USP42: variants seen among roughly 807,000 people sequenced by gnomAD.
The protein encoded by USP42 is ubiquitin carboxyl-terminal hydrolase 42.
Under a neutral mutation model 113.0 loss-of-function variants are expected in USP42, and 23 were observed. The observed-to-expected ratio is 0.20, with a 90% confidence interval of 0.15 to 0.29. The LOEUF (loss-of-function observed/expected upper bound fraction) is 0.29. Ranked by LOEUF, USP42 falls within the 10% of genes least tolerant of loss-of-function variation. The pLI, the probability that USP42 is intolerant of heterozygous loss-of-function variation, is 1.00. For missense variants in USP42, 2,174 were observed against 1,779.8 expected, an observed-to-expected ratio of 1.22 and a Z score of -3.99; for synonymous variants, 933 against 699.0, an observed-to-expected ratio of 1.33 and a Z score of -5.28.
intron 1 of USP42, among the ~76,000 whole-genome samples, chr7:6,106,266 TTTCTC>T (rs1213039768): frequency 2.6e-5 from 4 of 152,222 alleles, no homozygotes; most frequent in Admixed American, 2.0e-4. Context: ...GCGTGTGTGT[TTTCTC>T]TTATAACGGA....
rs1297544851 is a variant in USP42, at chr7:6,144,215, T to G, written c.990+19T>G. The G allele has an allele frequency of 6.7e-7, 1 of 1,496,790 alleles. No homozygotes were observed. Among genetic ancestry groups the G allele is most frequent in the African/African-American group, 1.4e-5 (1 of 71,230 alleles). The allele number at this position is 1,496,790 out of a possible 1,614,324, so 92.7% of individuals were successfully genotyped here. The stretch of plus-strand genomic sequence containing the variant: ...TGCTAAGGTATGTGGATGATGTCAT[T>G]AATCATGTTTTATGTCGAGCCTTTC... On this transcript the variant is annotated intron_variant, in intron 9 of 17. Transcript: ENST00000306177.
At chr7:6,147,387 T>G (rs1252130714) in intron 11 of USP42, among the ~76,000 whole-genome samples, 1 of 152,066 alleles carries the variant, frequency 6.6e-6, no homozygotes, top group Non-Finnish European at 1.5e-5. Context: ...AAGGCCACAG[T>G]GAGCAATGGC....
At chr7:6,103,827 G>C (rs1466772510), upstream of USP42, among the ~76,000 whole-genome samples, 2 of 151,140 alleles carry the variant, frequency 1.3e-5, no homozygotes, top group Non-Finnish European at 2.9e-5. Flanking sequence ...GCCACGGAGG[G>C]GGAGCTGCTT....
chr7:6,114,767 T>C lies in USP42; in HGVS notation c.242-556T>C, dbSNP rs1344029843. On this transcript the variant is annotated intron_variant, in intron 2 of 17. Coordinates refer to ENST00000306177, the MANE Select transcript of USP42 (RefSeq NM_032172.3). Reference sequence around the variant, plus strand: ...GTGCAGTGGCACTATCTCAGCTCACTGCAAGCTCTGCCTCCCGGGTTCACG... The same window carrying C: ...GTGCAGTGGCACTATCTCAGCTCACCGCAAGCTCTGCCTCCCGGGTTCACG... 2.2e-5 allele frequency among the ~76,000 whole-genome samples: 3 copies of C among 137,904 alleles called. No homozygotes were observed. The East Asian group carries it at 7.4e-4, about 34-fold the overall frequency. 90.5% of individuals were successfully genotyped at this position (137,904 alleles called of 152,430 possible).
intron 1 of USP42, among the ~76,000 whole-genome samples, chr7:6,107,444 T>C (rs1323405942): frequency 4.7e-5 from 7 of 149,956 alleles, no homozygotes; most frequent in Non-Finnish European, 8.9e-5. Context: ...AGTTTCACTC[T>C]TACTGCCCAG....
At chr7:6,155,368 A>C (rs1301440775) in intron 15 of USP42, among the ~76,000 whole-genome samples, 173 bp downstream of exon 15, 1 of 152,220 alleles carries the variant, frequency 6.6e-6, no homozygotes, top group East Asian at 1.9e-4. Flanking sequence ...ACAGATTTGT[A>C]AAAATTTGCC....
intron 3 of USP42, among the ~76,000 whole-genome samples, chr7:6,132,517 C>G (rs1349946316): frequency 3.3e-5 from 5 of 151,446 alleles, no homozygotes; most frequent in South Asian, 2.1e-4. Flanking sequence ...ACCACCATGC[C>G]CAGGTAATTT....
chr7:6,150,307 G>A lies in USP42; in HGVS notation c.2106+5G>A. On this transcript the variant is annotated splice_donor_5th_base_variant and intron_variant, in intron 13 of 17. Coordinates refer to ENST00000306177, the MANE Select transcript of USP42 (RefSeq NM_032172.3). The stretch of plus-strand genomic sequence containing the variant: ...GCAAACGGTCTTCCTGGAAAGGTGA[G>A]TGCACGTCAGGGTCTTCAGCCTCGT... 6.2e-7 allele frequency: 1 copy of A among 1,612,678 alleles called. No individual in the cohort carries two copies. The highest frequency in any genetic ancestry group is 8.5e-7 in the Non-Finnish European group (1 of 1,179,270).
At chr7:6,114,519 A>G (rs1195883947) in intron 2 of USP42, among the ~76,000 whole-genome samples, 2 of 151,456 alleles carry the variant, frequency 1.3e-5, no homozygotes, top group Non-Finnish European at 2.9e-5. Context: ...ATACATCTAA[A>G]GAGTTTTTTC....
chr7:6,141,614 A>G (rs987930186), intron 7 of USP42, among the ~76,000 whole-genome samples: 1 of 151,216 alleles, frequency 6.6e-6, no homozygotes, highest in African/African-American at 2.4e-5. Context: ...GCTGGAGTGC[A>G]GTGGCGCAAT....
At chr7:6,108,739 A>G (rs1440199318) in intron 1 of USP42, among the ~76,000 whole-genome samples, 1 of 152,214 alleles carries the variant, frequency 6.6e-6, no homozygotes, top group Non-Finnish European at 1.5e-5. Flanking sequence ...TTGGCCTCCC[A>G]AAGTGCTGGG....
At position 6,159,326 on chromosome 7, in the gene USP42, GC is replaced by G. The variant is rs1782637492; in HGVS notation, c.3944-122del. Reference sequence around the variant, plus strand: ...TCCCTGCTCACCTCACTGGGGAGTGGCCTCAGGCGCTCACAGGGAACCGCAG... The same window carrying G: ...TCCCTGCTCACCTCACTGGGGAGTGGCTCAGGCGCTCACAGGGAACCGCAG... On this transcript the variant is annotated intron_variant, in intron 16 of 17. Transcript: ENST00000306177. This position sits in a 1 kb window ranked among gnomAD's most constrained non-coding sequence, Gnocchi z 4.1. 2 of 1,274,694 alleles carry G rather than the reference GC, an allele frequency of 1.6e-6. No individual in the cohort carries two copies. The highest frequency in any genetic ancestry group is 3.9e-5 in the Admixed American group (2 of 51,608). 79.0% of individuals were successfully genotyped at this position (1,274,694 alleles called of 1,614,324 possible).
At chr7:6,146,606 A>G (rs559484964) in intron 11 of USP42, among the ~76,000 whole-genome samples, 281 of 152,248 alleles carry the variant, frequency 1.8e-3, no homozygotes, top group African/African-American at 6.4e-3. Flanking sequence ...CCGAGGCTGC[A>G]GTAAGCCATG....
At chr7:6,117,385 C>T (rs757741359) in intron 3 of USP42, among the ~76,000 whole-genome samples, 8 of 152,158 alleles carry the variant, frequency 5.3e-5, no homozygotes, top group African/African-American at 1.7e-4. Flanking sequence ...ATCACTTGAT[C>T]GTATTGTTGA....
rs376260428 is a variant in USP42, at chr7:6,157,461, G to A, written c.3943+406G>A. The A allele has an allele frequency of 2.6e-5, 22 of 859,552 alleles. No homozygotes were observed. The highest frequency in any genetic ancestry group is 5.3e-5 in the South Asian group (1 of 18,796). 53.2% of individuals were successfully genotyped at this position (859,552 alleles called of 1,614,324 possible). ...GCCCAGGCTGGAGTGCAGTGGCGGCGATCTCAGCTCACTGCAACCTCTGCC... is the reference window on the plus strand; with the variant it reads ...GCCCAGGCTGGAGTGCAGTGGCGGCAATCTCAGCTCACTGCAACCTCTGCC... On this transcript the variant is annotated intron_variant, in intron 16 of 17. Coordinates refer to ENST00000306177, the MANE Select transcript of USP42 (RefSeq NM_032172.3). This position sits in a 1 kb window ranked among gnomAD's most constrained non-coding sequence, Gnocchi z 4.1.
chr7:6,103,006 T>C (rs950170457), upstream of USP42, among the ~76,000 whole-genome samples: 1 of 150,638 alleles, frequency 6.6e-6, no homozygotes, highest in Admixed American at 6.6e-5. Context: ...TGAGTTGGTG[T>C]AAAGGGTTAG....
At position 6,105,043 on chromosome 7, in the gene USP42, G is replaced by T. The variant is rs1438012419; in HGVS notation, c.-10+11G>T. On this transcript the variant is annotated intron_variant, in intron 1 of 17. Coordinates refer to ENST00000306177, the MANE Select transcript of USP42 (RefSeq NM_032172.3). ...GCCGAGCCGGGTCAGGTAAGCTCCCGCCTCCTTCCCGCCCGCCGCAGGCCG... is the reference window on the plus strand; with the variant it reads ...GCCGAGCCGGGTCAGGTAAGCTCCCTCCTCCTTCCCGCCCGCCGCAGGCCG... 2 of 149,628 alleles carry T rather than the reference G, an allele frequency of 1.3e-5. No individual in the cohort carries two copies. The highest frequency in any genetic ancestry group is 1.8e-4 in the South Asian group (1 of 5,670). 9.3% of individuals were successfully genotyped at this position (149,628 alleles called of 1,614,324 possible). A position where few individuals can be genotyped will look rare whatever the true frequency, so the allele number is the denominator to read the frequency against.
chr7:6,105,485 T>A (rs1779224382), intron 1 of USP42, among the ~76,000 whole-genome samples: 1 of 82,592 alleles, frequency 1.2e-5, no homozygotes, highest in African/African-American at 4.6e-5. Flanking sequence ...GCCCCCCGCG[T>A]GGCTGCCACC....
intron 9 of USP42, 128 bp downstream of exon 9, chr7:6,144,324 C>T (rs987354514): frequency 6.5e-6 from 4 of 619,762 alleles, no homozygotes; most frequent in Non-Finnish European, 1.1e-5. Context: ...TACATTTGGG[C>T]TTCATTGTCT....
Sources: allele counts gnomAD v4.1 joint callset (sites outside exome capture counted in the v4.1 genomes callset), GRCh38; gene constraint gnomAD v4.1.1; non-coding constraint Gnocchi (gnomAD v3.1); transcripts MANE v1.5; gene names NCBI Gene and HGNC (gene_info 2026-07-23, HGNC 2026-07-21).